Variants in ZNF562 observed in about 807,000 individuals in gnomAD.
The protein encoded by ZNF562 is zinc finger protein 562.
ZNF562 carries 13 observed loss-of-function variants against 17.5 expected under a neutral mutation model. That is an observed-to-expected ratio of 0.74 (90% CI 0.48 to 1.18). The LOEUF (loss-of-function observed/expected upper bound fraction) is 1.18. ZNF562 is among the 50% of genes most tolerant of loss of function. The pLI, the probability that ZNF562 is intolerant of heterozygous loss-of-function variation, is 0.00. For synonymous variants in ZNF562, 163 were observed against 165.4 expected, an observed-to-expected ratio of 0.99 and a Z score of 0.11; for missense variants, 481 against 498.5, an observed-to-expected ratio of 0.96 and a Z score of 0.33.
intron 1 of ZNF562, among the ~76,000 whole-genome samples, chr19:9,661,255 T>A (rs2043723345): frequency 6.6e-6 from 1 of 152,078 alleles, no homozygotes; most frequent in Non-Finnish European, 1.5e-5. Context: ...GCTCAAGTGA[T>A]CCTCCCACCT....
chr19:9,660,617 A>AT, intron 2 of ZNF562, 103 bp downstream of exon 2: 1 of 1,247,732 alleles, frequency 8.0e-7, no homozygotes, highest in Non-Finnish European at 1.1e-6. Context: ...AAAGAAAAAA[A>AT]AAAAAAGCAG....
At chr19:9,665,383 C>T (rs1381554027) in intron 1 of ZNF562, among the ~76,000 whole-genome samples, 2 of 152,136 alleles carry the variant, frequency 1.3e-5, no homozygotes, top group Non-Finnish European at 2.9e-5. Flanking sequence ...CTGGAAAAAA[C>T]TGAGCTCAAG....
chr19:9,668,914 C>T (rs1161873637), intron 1 of ZNF562, among the ~76,000 whole-genome samples: 1 of 151,824 alleles, frequency 6.6e-6, no homozygotes, highest in Admixed American at 6.6e-5. Context: ...ACTGGATAAC[C>T]ATATGCAGAA....
intron 1 of ZNF562, among the ~76,000 whole-genome samples, chr19:9,669,722 G>GCACA (rs1300208787): frequency 1.0e-5 from 1 of 97,390 alleles, no homozygotes; most frequent in South Asian, 4.0e-4. Flanking sequence ...GCGCGAGCGC[G>GCACA]CGCGCGCGCG....
intron 3 of ZNF562, among the ~76,000 whole-genome samples, chr19:9,658,571 A>G (rs1043131720): frequency 6.6e-6 from 1 of 152,106 alleles, no homozygotes; most frequent in Non-Finnish European, 1.5e-5. Flanking sequence ...GAAGGTCTCA[A>G]ACTTCTGACC....
At chr19:9,671,715 A>G (rs895199315) in intron 1 of ZNF562, among the ~76,000 whole-genome samples, 1 of 152,194 alleles carries the variant, frequency 6.6e-6, no homozygotes, top group African/African-American at 2.4e-5. Flanking sequence ...GTTAAATGGC[A>G]TGTTATTTAT....
rs1489719422 is a variant in ZNF562 at position 9,649,328 on chromosome 19, T to C, written c.*3621A>G. On this transcript the variant is annotated 3_prime_UTR_variant, in exon 6 of 6. Transcript: ENST00000453372. The stretch of plus-strand genomic sequence containing the variant: ...ATACAGCATGTGTGTTTGAGCAATA[T>C]GAAATCTGGGCACCTTGAAAAAAGA... The C allele has an allele frequency of 6.6e-6, 1 of 152,188 alleles. No homozygotes were observed. The highest frequency in any genetic ancestry group is 1.5e-5 in the Non-Finnish European group (1 of 68,034). The allele number at this position is 152,188 out of a possible 1,614,324, so 9.4% of individuals were successfully genotyped here.
intron 1 of ZNF562, among the ~76,000 whole-genome samples, chr19:9,671,124 G>A (rs1312482514): frequency 6.6e-6 from 1 of 151,998 alleles, no homozygotes; most frequent in African/African-American, 2.4e-5. Context: ...TTTCAACACA[G>A]CTAAGAGAAT....
At chr19:9,654,455 GATTT>G (rs1009756239) in intron 5 of ZNF562, among the ~76,000 whole-genome samples, 12 of 151,962 alleles carry the variant, frequency 7.9e-5, no homozygotes, top group African/African-American at 2.2e-4. Context: ...CCAATTTTTT[GATTT>G]ATTTATTTAT....
chr19:9,667,815 G>A (rs1386957759), intron 1 of ZNF562, among the ~76,000 whole-genome samples: 4 of 151,664 alleles, frequency 2.6e-5, no homozygotes, highest in African/African-American at 9.7e-5. Flanking sequence ...GGCTGACCTT[G>A]AACTCCTGAT....
At position 9,644,415 on chromosome 19, in the gene ZNF562, A is replaced by G. The variant is rs1251122250; in HGVS notation, c.*8534T>C. 6.6e-6 allele frequency: 1 copy of G among 152,122 alleles called. No individual in the cohort carries two copies. Among genetic ancestry groups the G allele is most frequent in the Non-Finnish European group, 1.5e-5 (1 of 68,034 alleles). The allele number at this position is 152,122 out of a possible 1,614,324, so 9.4% of individuals were successfully genotyped here. ...AGGACAGCCTGGGCAATGGAGTGAG[A>G]TACCTTCTCTACCAAAATAAAAAAG... On this transcript the variant is annotated 3_prime_UTR_variant, in exon 6 of 6. Coordinates refer to ENST00000453372, the MANE Select transcript of ZNF562 (RefSeq NM_001130031.2).
intron 5 of ZNF562, among the ~76,000 whole-genome samples, chr19:9,655,717 CTTTTTTTTTTTTTTTTTTTTTTTTTT>C (rs58199071): frequency 2.1e-5 from 1 of 48,678 alleles, no homozygotes. Context: ...TCTTTTCTTT[CTTTTTTTTTTTTTTTTTTTTTTTTTT>C]TTTTTTTTTA....
chr19:9,672,280 A>G (rs1010936939), intron 1 of ZNF562, among the ~76,000 whole-genome samples: 1 of 152,232 alleles, frequency 6.6e-6, no homozygotes, highest in Non-Finnish European at 1.5e-5. Context: ...TAGACATTAG[A>G]TGACATTATT....
rs2043495380 is a variant in ZNF562, at chr19:9,656,636, T to C, written c.259A>G (p.Thr87Ala). ...CTAGGTTGTATTTCCCATTCTGAAG[T>C]TAAGCAGAAAAAGAAATCTAAGGGT... ...LASVDFFFCL[T>A]SEWEIQPRTK... The change falls in exon 5 of 6, where the codon ACT (threonine) becomes GCT (alanine). Residue 87 changes from threonine to alanine, a missense_variant. By Grantham distance (58) the Thr-to-Ala change is moderately conservative (BLOSUM62 0). Coordinates refer to ENST00000453372, the MANE Select transcript of ZNF562 (RefSeq NM_001130031.2). 6.2e-7 allele frequency: 1 copy of C among 1,613,972 alleles called. No homozygotes were observed. The highest frequency in any genetic ancestry group is 1.3e-5 in the African/African-American group (1 of 75,040).
chr19:9,641,832 C>A lies in ZNF562; in HGVS notation c.*11117G>T, dbSNP rs1265377505. On this transcript the variant is annotated 3_prime_UTR_variant, in exon 6 of 6. Coordinates refer to ENST00000453372, the MANE Select transcript of ZNF562 (RefSeq NM_001130031.2). ...TGCGAGCAACAATGGCTGTGTATTA[C>A]ATCCGGATGTGGATGGGCTGTCCAA... The A allele has an allele frequency of 6.6e-6, 1 of 152,202 alleles. No individual in the cohort carries two copies. Among genetic ancestry groups the A allele is most frequent in the Non-Finnish European group, 1.5e-5 (1 of 68,046 alleles). 9.4% of individuals were successfully genotyped at this position (152,202 alleles called of 1,614,324 possible). A position where few individuals can be genotyped will look rare whatever the true frequency, so the allele number is the denominator to read the frequency against.
intron 1 of ZNF562, among the ~76,000 whole-genome samples, chr19:9,674,319 G>A (rs186753187): frequency 6.6e-6 from 1 of 152,234 alleles, no homozygotes; most frequent in African/African-American, 2.4e-5. Context: ...GGTGGAGCAG[G>A]TGATCGAAAA....
intron 1 of ZNF562, among the ~76,000 whole-genome samples, chr19:9,668,831 C>T (rs2044044347): frequency 6.6e-6 from 1 of 152,096 alleles, no homozygotes; most frequent in South Asian, 2.1e-4. Flanking sequence ...GTACAGACAG[C>T]TCATTTTCAA....
intron 1 of ZNF562, among the ~76,000 whole-genome samples, chr19:9,670,924 G>A (rs1032042386): frequency 1.3e-5 from 2 of 151,408 alleles, no homozygotes; most frequent in African/African-American, 2.4e-5. Context: ...TTGAATCCGG[G>A]AGGAGGCAGA....
intron 1 of ZNF562, among the ~76,000 whole-genome samples, chr19:9,672,952 A>C (rs73008152): frequency 6.6e-6 from 1 of 151,956 alleles, no homozygotes; most frequent in Non-Finnish European, 1.5e-5. Flanking sequence ...TCTCTTCAAA[A>C]GTTCAGCCTG....
Sources: gnomAD v4.1 joint callset for allele counts (sites outside exome capture counted in the v4.1 genomes callset) on GRCh38, gnomAD v4.1.1 for gene constraint, MANE v1.5 for transcripts, NCBI Gene and HGNC (gene_info 2026-07-23, HGNC 2026-07-21) for gene names.